The following DPY30 variants were observed in gnomAD, a reference collection of about 807,000 sequenced individuals.
DPY30 encodes the protein protein dpy-30 homolog.
In DPY30, 6 loss-of-function variants were observed where a neutral mutation model predicts 16.2. That is an observed-to-expected ratio of 0.37 (90% CI 0.20 to 0.73). The LOEUF is 0.73. DPY30 is among the 30% of genes least tolerant of loss of function. The pLI is 0.51. For missense variants in DPY30, 73 were observed against 113.1 expected (o/e 0.65, Z 1.61); for synonymous variants, 39 against 38.8 (o/e 1.00, Z -0.02).
intron 5 of DPY30, among the ~76,000 whole-genome samples, chr2:32,012,848 TG>T (rs1211547476): frequency 2.0e-5 from 3 of 152,194 alleles, no homozygotes; most frequent in African/African-American, 7.2e-5. Context: ...AAAGTTTTGT[TG>T]TAAGTTGCAA....
chr2:32,037,850 G>A (rs78427917), intron 3 of DPY30, among the ~76,000 whole-genome samples: 4,793 of 151,992 alleles, frequency 0.032, 136 homozygotes, highest in East Asian at 0.083. Context: ...ACCACGCCCA[G>A]CCTGTATGCT....
rs1400892458 is a variant in DPY30, at chr2:32,024,042, C to A, written c.*142G>T. On this transcript the variant is annotated 3_prime_UTR_variant, in exon 5 of 5. Coordinates refer to ENST00000342166, the MANE Select transcript of DPY30 (RefSeq NM_001321209.2). The stretch of plus-strand genomic sequence containing the variant: ...AATCAAAATAAGGGAAATATGTTAT[C>A]TTCTGCAATTCCAGAAATAGGTTCT... 1 of 1,492,928 alleles carries A rather than the reference C, an allele frequency of 6.7e-7. No individual in the cohort carries two copies. The highest frequency in any genetic ancestry group is 8.9e-7 in the Non-Finnish European group (1 of 1,129,208). 92.5% of individuals were successfully genotyped at this position (1,492,928 alleles called of 1,614,324 possible).
chr2:32,027,344 A>G (rs1413817354), intron 4 of DPY30, among the ~76,000 whole-genome samples: 2 of 151,660 alleles, frequency 1.3e-5, no homozygotes, highest in Non-Finnish European at 2.9e-5. Flanking sequence ...AGCCTGGCCA[A>G]CATGGTGAAA....
downstream of DPY30, among the ~76,000 whole-genome samples, chr2:32,022,811 C>A: frequency 6.6e-6 from 1 of 152,102 alleles, no homozygotes; most frequent in East Asian, 1.9e-4. Flanking sequence ...CCACCGCACC[C>A]GGCCAATCAC....
chr2:32,028,823 C>T (rs535455554), intron 4 of DPY30, among the ~76,000 whole-genome samples: 3 of 151,574 alleles, frequency 2.0e-5, no homozygotes, highest in Admixed American at 1.3e-4. Flanking sequence ...ATCAGCCAGG[C>T]GTGGTGGCAG....
chr2:32,036,530 G>GTCTCTACTAAAAATACAAAAAAATTA, intron 3 of DPY30, among the ~76,000 whole-genome samples: 1 of 151,982 alleles, frequency 6.6e-6, no homozygotes, highest in East Asian at 2.0e-4. Context: ...AAATTAGCCG[G>GTCTCTACTAAAAATACAAAAAAATTA]GCATGGTGGC....
At chr2:32,032,433 C>A (rs889554458) in intron 3 of DPY30, among the ~76,000 whole-genome samples, 2 of 152,164 alleles carry the variant, frequency 1.3e-5, no homozygotes, top group Admixed American at 6.6e-5. Context: ...GAATTTTCAT[C>A]CCCTAAATCA....
chr2:32,032,585 C>G (rs375719089), intron 3 of DPY30, among the ~76,000 whole-genome samples: 20 of 152,188 alleles, frequency 1.3e-4, no homozygotes, highest in South Asian at 8.3e-4. Context: ...CGGGGCCAGG[C>G]ACAGTGGCTC....
downstream of DPY30, chr2:32,023,280 C>G: frequency 2.7e-6 from 1 of 370,374 alleles, no homozygotes; most frequent in Non-Finnish European, 5.4e-6. Context: ...ATTTTCTGAG[C>G]TAGTGAGCTA....
intron 4 of DPY30, among the ~76,000 whole-genome samples, chr2:32,026,284 C>T (rs1303905021): frequency 6.6e-6 from 1 of 152,074 alleles, no homozygotes; most frequent in Middle Eastern, 3.2e-3. Flanking sequence ...GTGGCACACG[C>T]CTGTAGTCCC....
intron 3 of DPY30, among the ~76,000 whole-genome samples, chr2:32,030,064 C>CAAA (rs398042393): frequency 9.7e-6 from 1 of 102,698 alleles, no homozygotes; most frequent in African/African-American, 3.5e-5. Flanking sequence ...AGTGTGTTCC[C>CAAA]AAAAAAAAAA....
intron 5 of DPY30, among the ~76,000 whole-genome samples, chr2:32,016,922 A>C (rs1675076806): frequency 6.6e-6 from 1 of 152,066 alleles, no homozygotes; most frequent in Admixed American, 6.6e-5. Flanking sequence ...TCATTCTGTC[A>C]CCCAGGCTGG....
chr2:32,015,959 G>A (rs1328770194), intron 5 of DPY30, among the ~76,000 whole-genome samples: 3 of 152,058 alleles, frequency 2.0e-5, no homozygotes, highest in Non-Finnish European at 2.9e-5. Flanking sequence ...GCGCAATCTC[G>A]GCTCACTGCA....
intron 3 of DPY30, 123 bp downstream of exon 3, chr2:32,039,156 T>C: frequency 8.8e-7 from 1 of 1,139,828 alleles, no homozygotes; most frequent in Non-Finnish European, 1.3e-6. Context: ...CATAACTTGA[T>C]ACTATTCAGT....
At chr2:32,034,632 A>C (rs915911283) in intron 3 of DPY30, among the ~76,000 whole-genome samples, 33 of 152,152 alleles carry the variant, frequency 2.2e-4, no homozygotes, top group Admixed American at 1.9e-3. Context: ...AAACTATATT[A>C]CACCAGGAGG....
rs537863454 is a variant in DPY30, at chr2:32,038,137, T to TTC, written c.84+1141_84+1142insGA. On this transcript the variant is annotated intron_variant, in intron 3 of 4. Transcript: ENST00000342166. ...AACTTGTATTGCTCATTTTCTTTCT[T>TTC]TTTTTTTTTTTTTTTTTGGACAAAG... 1.5e-3 allele frequency among the ~76,000 whole-genome samples: 182 copies of TTC among 118,078 alleles called. 1 individual carries two copies. The Middle Eastern group carries it at 0.029, about 19-fold the overall frequency. 77.5% of individuals were successfully genotyped at this position (118,078 alleles called of 152,430 possible). A position where few individuals can be genotyped will look rare whatever the true frequency, so the allele number is the denominator to read the frequency against.
rs1472705787 is a variant in DPY30, at chr2:32,032,952, C to T, written c.85-3216G>A. 4.6e-5 allele frequency among the ~76,000 whole-genome samples: 7 copies of T among 151,996 alleles called. No homozygotes were observed. The Middle Eastern group carries it at 0.01, about 223-fold the overall frequency. ...CAGAGGTTGCAGTGAGCCAAGATTG[C>T]GCCACTGCACTCTAGCCTGGGCAAC... On this transcript the variant is annotated intron_variant, in intron 3 of 4. Transcript: ENST00000342166.
chr2:32,038,647 C>T (rs1573010683), intron 3 of DPY30, among the ~76,000 whole-genome samples: 4 of 111,208 alleles, frequency 3.6e-5, no homozygotes, highest in East Asian at 2.6e-4. Flanking sequence ...TTATTTTTTA[C>T]TTTTTTTTTT....
At chr2:32,017,148 G>T (rs1558581261) in intron 5 of DPY30, among the ~76,000 whole-genome samples, 1 of 152,062 alleles carries the variant, frequency 6.6e-6, no homozygotes, top group South Asian at 2.1e-4. Flanking sequence ...TTCCCAAAGT[G>T]CTGGGATTAC....
Sources: allele counts gnomAD v4.1 joint callset (sites outside exome capture counted in the v4.1 genomes callset), GRCh38; gene constraint gnomAD v4.1.1; transcripts MANE v1.5; gene names NCBI Gene and HGNC (gene_info 2026-07-23, HGNC 2026-07-21).